The following APBB2 variants were observed in gnomAD, a reference collection of about 807,000 sequenced individuals.
The protein encoded by APBB2 is amyloid beta precursor protein binding family B member 2.
Under a neutral mutation model 82.5 loss-of-function variants are expected in APBB2, and 38 were observed. The observed-to-expected ratio is 0.46, with a 90% CI of 0.36 to 0.60. The LOEUF is 0.60. APBB2 is among the 20% of genes least tolerant of loss of function. The pLI, the probability that APBB2 is intolerant of heterozygous loss-of-function variation, is 0.00. For synonymous variants in APBB2, 341 were observed against 368.2 expected, an observed-to-expected ratio of 0.93 and a Z score of 0.85; for missense variants, 772 against 972.3, an observed-to-expected ratio of 0.79 and a Z score of 2.74.
intron 12 of APBB2, among the ~76,000 whole-genome samples, chr4:40,835,829 G>A (rs919703664): frequency 7.2e-5 from 11 of 152,218 alleles, no homozygotes; most frequent in Admixed American, 2.6e-4. Flanking sequence ...TGCGAGAACA[G>A]GGCAGAGGAG....
At chr4:40,900,454 G>GTTT (rs71648936) in intron 10 of APBB2, among the ~76,000 whole-genome samples, 24 of 132,720 alleles carry the variant, frequency 1.8e-4, no homozygotes, top group African/African-American at 2.8e-4. Flanking sequence ...ACGGAAGGAG[G>GTTT]TTTTTTTTTT....
intron 12 of APBB2, among the ~76,000 whole-genome samples, chr4:40,866,352 G>A (rs1764029250): frequency 6.6e-6 from 1 of 152,016 alleles, no homozygotes; most frequent in African/African-American, 2.4e-5. Flanking sequence ...TCCATGCTCA[G>A]GAGCTTACTG....
chr4:40,814,724 G>A lies in APBB2; in HGVS notation c.*1368C>T, dbSNP rs188857900. 13 of 152,212 alleles carry A rather than the reference G, an allele frequency of 8.5e-5. No homozygotes were observed. Among genetic ancestry groups the A allele is most frequent in the Admixed American group, 6.5e-4 (10 of 15,286 alleles). The allele number at this position is 152,212 out of a possible 1,614,324, so 9.4% of individuals were successfully genotyped here. ...CGCCTTAGCAACTTCCTTTTAAAAC[G>A]ACAATGTCAACGAGAGTCTAAATTT... is the stretch of plus-strand genomic sequence containing the variant. On this transcript the variant is annotated 3_prime_UTR_variant, in exon 18 of 18. Transcript: ENST00000508593.
At chr4:41,053,246 G>GT (rs1216094160) in intron 4 of APBB2, among the ~76,000 whole-genome samples, 1 of 151,882 alleles carries the variant, frequency 6.6e-6, no homozygotes, top group Non-Finnish European at 1.5e-5. Flanking sequence ...ATGACTTCTA[G>GT]TTTTTTTCCC....
chr4:40,835,136 C>A (rs1437694315), intron 12 of APBB2, among the ~76,000 whole-genome samples: 1 of 151,880 alleles, frequency 6.6e-6, no homozygotes, highest in Admixed American at 6.6e-5. Flanking sequence ...CTTAGCCGGG[C>A]GTGGTGGCGG....
intron 4 of APBB2, among the ~76,000 whole-genome samples, chr4:41,052,086 G>A (rs930285477): frequency 5.3e-5 from 8 of 151,974 alleles, no homozygotes; most frequent in African/African-American, 1.9e-4. Flanking sequence ...ATCTCACTTG[G>A]GCCAGGCATG....
At chr4:40,982,938 T>A (rs1220768860) in intron 6 of APBB2, among the ~76,000 whole-genome samples, 4 of 152,204 alleles carry the variant, frequency 2.6e-5, no homozygotes, top group African/African-American at 4.8e-5. Flanking sequence ...TCTAGGGAAC[T>A]GCGATGGCCC....
chr4:40,857,002 C>A (rs1425656049), intron 12 of APBB2: 3 of 985,472 alleles, frequency 3.0e-6, no homozygotes, highest in Admixed American at 6.1e-5. Flanking sequence ...CAAAGGAGAG[C>A]CGTTCCTTCG....
chr4:40,896,069 C>CG (rs1773584381), intron 10 of APBB2, among the ~76,000 whole-genome samples: 1 of 145,888 alleles, frequency 6.9e-6, no homozygotes, highest in African/African-American at 2.5e-5. Context: ...CAATACAGTT[C>CG]TTTTTTTTTT....
At chr4:41,141,332 CTGTGTGTGTGTG>C (rs112919629) in intron 2 of APBB2, among the ~76,000 whole-genome samples, 1 of 108,116 alleles carries the variant, frequency 9.2e-6, no homozygotes. Flanking sequence ...GTGTGTGTGT[CTGTGTGTGTGTG>C]TGTCTGTGTG....
chr4:41,130,822 T>TA (rs1445949452), intron 2 of APBB2, among the ~76,000 whole-genome samples: 1 of 152,072 alleles, frequency 6.6e-6, no homozygotes, highest in Non-Finnish European at 1.5e-5. Context: ...TAAGGCCTTG[T>TA]AGGACAGATC....
chr4:40,987,419 A>C (rs2154407619), intron 6 of APBB2, among the ~76,000 whole-genome samples: 1 of 152,332 alleles, frequency 6.6e-6, no homozygotes, highest in Admixed American at 6.5e-5. Flanking sequence ...TTGATTACAA[A>C]TTATACTGAA....
chr4:41,050,719 AAGG>A (rs1167919421), intron 4 of APBB2, among the ~76,000 whole-genome samples: 3 of 152,218 alleles, frequency 2.0e-5, no homozygotes, highest in Non-Finnish European at 4.4e-5. Flanking sequence ...GAAGGAATGG[AAGG>A]AGAAGAGGAA....
At chr4:41,140,473 C>T (rs966707528) in intron 2 of APBB2, among the ~76,000 whole-genome samples, 4 of 152,196 alleles carry the variant, frequency 2.6e-5, no homozygotes, top group Admixed American at 2.0e-4. Context: ...TAGTCTACCA[C>T]CCAACAGAAT....
intron 2 of APBB2, among the ~76,000 whole-genome samples, chr4:41,122,357 T>C (rs541360729): frequency 2.9e-4 from 44 of 152,346 alleles, no homozygotes; most frequent in African/African-American, 9.4e-4. Flanking sequence ...AAATTTTTTA[T>C]ATAATTTAAT....
chr4:41,139,642 A>T (rs1347476951), intron 2 of APBB2, among the ~76,000 whole-genome samples: 1 of 152,202 alleles, frequency 6.6e-6, no homozygotes, highest in African/African-American at 2.4e-5. Context: ...TTAAACGCAC[A>T]TTGGTAAGTG....
intron 12 of APBB2, among the ~76,000 whole-genome samples, chr4:40,843,913 A>AT (rs915010801): frequency 5.9e-5 from 9 of 152,110 alleles, no homozygotes; most frequent in African/African-American, 2.2e-4. Context: ...CTAGTCTTAG[A>AT]TGCACCCATG....
intron 6 of APBB2, among the ~76,000 whole-genome samples, chr4:41,004,293 C>A (rs1316903704): frequency 6.6e-6 from 1 of 152,188 alleles, no homozygotes; most frequent in Non-Finnish European, 1.5e-5. Flanking sequence ...AACAAAACAT[C>A]TTAACATCTC....
At chr4:40,935,742 C>G (rs924933513) in intron 7 of APBB2, 1 of 151,764 alleles carries the variant, frequency 6.6e-6, no homozygotes, top group African/African-American at 2.4e-5. Context: ...ATAAATTTCT[C>G]TAATTCATAA....
Sources: allele counts gnomAD v4.1 joint callset (sites outside exome capture counted in the v4.1 genomes callset), GRCh38; gene constraint gnomAD v4.1.1; transcripts MANE v1.5; gene names NCBI Gene and HGNC (gene_info 2026-07-23, HGNC 2026-07-21).